The following SUPT20H variants were observed in gnomAD, a reference collection of about 807,000 sequenced individuals.
SUPT20H encodes transcription factor SPT20 homolog.
In SUPT20H, 82 loss-of-function variants were observed where a neutral mutation model predicts 122.8. That is an observed-to-expected ratio of 0.67 (90% CI 0.56 to 0.80). SUPT20H has a LOEUF of 0.80. SUPT20H is among the 30% of genes least tolerant of loss of function. SUPT20H has a pLI of 0.00. For synonymous variants in SUPT20H, 291 were observed against 313.0 expected, an observed-to-expected ratio of 0.93 and a Z score of 0.74; for missense variants, 831 against 921.6, an observed-to-expected ratio of 0.90 and a Z score of 1.27.
intron 23 of SUPT20H, among the ~76,000 whole-genome samples, chr13:37,015,480 TAAAAA>T (rs111755282): frequency 1.6e-5 from 2 of 125,992 alleles, no homozygotes; most frequent in African/African-American, 5.7e-5. Flanking sequence ...GAAGGCTGCT[TAAAAA>T]AAAAAAAAAA....
chr13:37,025,290 G>T, intron 17 of SUPT20H, 30 bp downstream of exon 17: 2 of 1,501,756 alleles, frequency 1.3e-6, no homozygotes, highest in African/African-American at 1.4e-5. Context: ...AAACAACTGG[G>T]CACAAAGAAG....
At chr13:37,056,093 A>G (rs2068939979) in intron 1 of SUPT20H, among the ~76,000 whole-genome samples, 1 of 152,242 alleles carries the variant, frequency 6.6e-6, no homozygotes, top group Non-Finnish European at 1.5e-5. Context: ...TAGAATAGCG[A>G]TCATTAAAAA....
In SUPT20H at chr13:37,047,917, C is replaced by T. The variant is rs535245915; in HGVS notation, c.59G>A (p.Arg20Gln). 13 of 1,604,458 alleles carry T rather than the reference C, an allele frequency of 8.1e-6. No individual in the cohort carries two copies. The highest frequency in any genetic ancestry group is 4.0e-5 in the African/African-American group (3 of 74,694). ...DRAEYVIESA[R>Q]QRPPKRKYLS... ...GTATTTCCTTTTAGGAGGTCTCTGT[C>T]GGGCACTTTCAATGACATACTAAAA... Residue 20 changes from arginine (R) to glutamine (Q), a missense_variant, in exon 4 of 26, where the codon CGA becomes CAA. Physicochemically the swap from Arg to Gln is conservative, Grantham distance 43 (BLOSUM62 1). Coordinates refer to ENST00000350612, the MANE Select transcript of SUPT20H (RefSeq NM_001014286.3).
At chr13:37,050,111 C>A (rs747044498) in intron 2 of SUPT20H, among the ~76,000 whole-genome samples, 3 of 152,104 alleles carry the variant, frequency 2.0e-5, no homozygotes, top group Non-Finnish European at 4.4e-5. Context: ...CCTTCTTGCA[C>A]TGTTCAATAA....
At chr13:37,031,538 GA>G in intron 12 of SUPT20H, 28 bp downstream of exon 12, 19 of 1,450,026 alleles carry the variant, frequency 1.3e-5, no homozygotes, top group East Asian at 4.9e-5. Context: ...AACTTTATAT[GA>G]AAAAAAGTAA....
intron 7 of SUPT20H, among the ~76,000 whole-genome samples, chr13:37,041,509 C>T (rs2065468148): frequency 6.7e-6 from 1 of 149,606 alleles, no homozygotes; most frequent in Non-Finnish European, 1.5e-5. Flanking sequence ...CAGAACGAGA[C>T]TCCACCTCAA....
chr13:37,031,813 G>A lies in SUPT20H; in HGVS notation c.790C>T (p.Leu264Phe). Residue 264 changes from leucine (L) to phenylalanine (F), a missense_variant, in exon 11 of 26, where the codon CTT becomes TTT. Leu to Phe is a conservative substitution (Grantham distance 22, BLOSUM62 0). Coordinates refer to ENST00000350612, the MANE Select transcript of SUPT20H (RefSeq NM_001014286.3). ...TCCTTTCTTTTTTGTAAGAAATCAA[G>A]TAACCTCAGCTGAGGAGGAGGTGGA... Reference protein sequence around the residue: ...HCPPPPQLRLLDFLQKRKERK... With the variant: ...HCPPPPQLRLFDFLQKRKERK... 6.2e-7 allele frequency: 1 copy of A among 1,610,106 alleles called. No homozygotes were observed. The highest frequency in any genetic ancestry group is 8.5e-7 in the Non-Finnish European group (1 of 1,178,552).
intron 12 of SUPT20H, among the ~76,000 whole-genome samples, chr13:37,030,693 T>C (rs144123669): frequency 7.4e-4 from 112 of 152,298 alleles, no homozygotes; most frequent in South Asian, 1.2e-3. Flanking sequence ...AGCTGATTCG[T>C]AAGGACATTA....
intron 9 of SUPT20H, chr13:37,038,266 A>AT (rs1331897271): frequency 6.6e-6 from 1 of 152,116 alleles, no homozygotes; most frequent in Non-Finnish European, 1.5e-5. Context: ...TCAAACTTTT[A>AT]TTTTTTAAAA....
At chr13:37,057,695 C>T (rs748033409) in intron 1 of SUPT20H, among the ~76,000 whole-genome samples, 33 of 151,778 alleles carry the variant, frequency 2.2e-4, no homozygotes, top group Non-Finnish European at 4.0e-4. Flanking sequence ...TACAGAAGGC[C>T]GGGTGCAGTG....
chr13:37,044,038 T>A, intron 7 of SUPT20H, 40 bp downstream of exon 7: 1 of 1,325,398 alleles, frequency 7.5e-7, no homozygotes, highest in Non-Finnish European at 1.1e-6. Flanking sequence ...CATATACATA[T>A]AACAAATATA....
At chr13:37,036,537 G>A (rs2064448625) in intron 9 of SUPT20H, among the ~76,000 whole-genome samples, 1 of 152,032 alleles carries the variant, frequency 6.6e-6, no homozygotes, top group Non-Finnish European at 1.5e-5. Context: ...GGCCGGGATG[G>A]TCTCGATCTC....
intron 12 of SUPT20H, among the ~76,000 whole-genome samples, chr13:37,031,071 T>G (rs2063212213): frequency 6.6e-6 from 1 of 152,174 alleles, no homozygotes. Flanking sequence ...TTATAGTTCA[T>G]GTATATTATG....
intron 10 of SUPT20H, among the ~76,000 whole-genome samples, chr13:37,032,749 C>A (rs368564779): frequency 6.6e-5 from 10 of 152,040 alleles, no homozygotes; most frequent in African/African-American, 2.4e-4. Context: ...TCATGTTTCC[C>A]ATGGAGGGTG....
intron 23 of SUPT20H, among the ~76,000 whole-genome samples, chr13:37,016,532 T>C (rs1435907738): frequency 3.3e-5 from 5 of 152,182 alleles, no homozygotes; most frequent in Non-Finnish European, 7.3e-5. Context: ...CAATCTTTAA[T>C]GTGTTTAGAA....
In SUPT20H at chr13:37,024,356, T is replaced by G; in HGVS notation, c.1416A>C (p.Ser472=). 6.3e-7 allele frequency: 1 copy of G among 1,588,420 alleles called. No homozygotes were observed. The highest frequency in any genetic ancestry group is 1.4e-5 in the African/African-American group (1 of 73,474). ...ATGTAATACCTGAGGAACTATTTCC[T>G]GAGCTTGAGGGAAGTTTGATTGGTG... ...RPPPIKLPSS[S]GNSSSGNYFT... The change falls in exon 18 of 26, where the codon TCA becomes TCC. Residue 472 remains serine, a synonymous_variant. Coordinates refer to ENST00000350612, the MANE Select transcript of SUPT20H (RefSeq NM_001014286.3).
rs751828292 is a variant in SUPT20H, at chr13:37,009,654, C to G, written c.*18G>C. ...TGCTCTTGTGTTTTTAAAAAAGGAA[C>G]AAAAAGTAATGCAAGACTCAAAATT... is the stretch of plus-strand genomic sequence containing the variant. On this transcript the variant is annotated 3_prime_UTR_variant, in exon 26 of 26. Transcript: ENST00000350612. The G allele has an allele frequency of 6.2e-7, 1 of 1,612,278 alleles. No homozygotes were observed. Among genetic ancestry groups the G allele is most frequent in the South Asian group, 1.1e-5 (1 of 90,564 alleles).
intron 4 of SUPT20H, 31 bp downstream of exon 4, chr13:37,047,847 A>G (rs1203370943): frequency 6.3e-7 from 1 of 1,575,194 alleles, no homozygotes; most frequent in Admixed American, 1.8e-5. Context: ...ATTTCAATGA[A>G]TCTAAGATGT....
chr13:37,024,143 G>A lies in SUPT20H; in HGVS notation c.1483C>T (p.Pro495Ser), dbSNP rs777573686. The change falls in exon 19 of 26, where the codon CCT becomes TCT. Residue 495 changes from proline (P) to serine (S), a missense_variant. Transcript: ENST00000350612. Reference protein sequence around the residue: ...QTSSFLKSPTPPPSSKPSSIP... With the variant: ...QTSSFLKSPTSPPSSKPSSIP... Reference sequence around the variant, plus strand: ...CTTGATGGCTTAGAAGAAGGAGGAGGAGTTGGAGATTTGAGAAAGCTGCTT... The same window carrying A: ...CTTGATGGCTTAGAAGAAGGAGGAGAAGTTGGAGATTTGAGAAAGCTGCTT... 1 of 1,613,628 alleles carries A rather than the reference G, an allele frequency of 6.2e-7. No homozygotes were observed. The highest frequency in any genetic ancestry group is 1.7e-5 in the Admixed American group (1 of 59,962).
Sources: allele counts gnomAD v4.1 joint callset (sites outside exome capture counted in the v4.1 genomes callset), GRCh38; gene constraint gnomAD v4.1.1; transcripts MANE v1.5; gene names NCBI Gene and HGNC (gene_info 2026-07-23, HGNC 2026-07-21).